ADAM10: variants seen among roughly 807,000 people sequenced by gnomAD.
ADAM10 encodes disintegrin and metalloproteinase domain-containing protein 10.
Under a neutral mutation model 90.1 loss-of-function variants are expected in ADAM10, and 17 were observed. The observed-to-expected ratio is 0.19, with a 90% CI of 0.13 to 0.28. ADAM10 has a LOEUF of 0.28. Among genes scored for constraint, ADAM10 ranks in the 10% least tolerant of loss-of-function variants. The pLI is 1.00. For missense variants in ADAM10, 610 were observed against 914.3 expected, an observed-to-expected ratio of 0.67 and a Z score of 4.29; for synonymous variants, 310 against 298.6, an observed-to-expected ratio of 1.04 and a Z score of -0.40.
intron 7 of ADAM10, among the ~76,000 whole-genome samples, chr15:58,642,926 T>C (rs1271230163): frequency 2.0e-5 from 3 of 152,194 alleles, no homozygotes; most frequent in African/African-American, 7.2e-5. Context: ...CTTCTAAATT[T>C]AAGGACTACC....
At position 58,689,655 on chromosome 15, in the gene ADAM10, A is replaced by G. The variant is rs559913731; in HGVS notation, c.207-7341T>C. Reference sequence around the variant, plus strand: ...AAAACATCATTCCAGTACTGCAGACATTGAGTGATAAAGTAATATTATGAG... The same window carrying G: ...AAAACATCATTCCAGTACTGCAGACGTTGAGTGATAAAGTAATATTATGAG... On this transcript the variant is annotated intron_variant, in intron 2 of 15. Coordinates refer to ENST00000260408, the MANE Select transcript of ADAM10 (RefSeq NM_001110.4). Among the ~76,000 whole-genome samples the G allele has an allele frequency of 8.5e-5, 13 of 152,320 alleles. No individual in the cohort carries two copies. The South Asian group carries it at 2.7e-3, about 32-fold the overall frequency.
intron 2 of ADAM10, among the ~76,000 whole-genome samples, chr15:58,701,022 C>CAAAAAAAAAAAAAAAAAAAAAA (rs386383146): frequency 1.4e-5 from 1 of 70,912 alleles, no homozygotes; most frequent in Non-Finnish European, 3.9e-5. Flanking sequence ...AACAAAAAAA[C>CAAAAAAAAAAAAAAAAAAAAAA]AAAAAAAAAA....
chr15:58,688,956 T>G (rs1194756906), intron 2 of ADAM10, among the ~76,000 whole-genome samples: 1 of 133,002 alleles, frequency 7.5e-6, no homozygotes, highest in Non-Finnish European at 1.6e-5. Context: ...AGTAAATAAA[T>G]AAAGAAGCGA....
At chr15:58,630,283 A>G (rs1163176737) in intron 9 of ADAM10, among the ~76,000 whole-genome samples, 1 of 152,202 alleles carries the variant, frequency 6.6e-6, no homozygotes, top group East Asian at 1.9e-4. Flanking sequence ...CATTTACATC[A>G]TATAACAACA....
chr15:58,692,403 TTTC>T (rs773124554), intron 2 of ADAM10: 4 of 570,870 alleles, frequency 7.0e-6, no homozygotes, highest in Non-Finnish European at 1.4e-5. Flanking sequence ...TCTTCTTTGT[TTTC>T]TTCTTATTAT....
intron 2 of ADAM10, among the ~76,000 whole-genome samples, chr15:58,712,610 G>C (rs747333009): frequency 4.0e-5 from 6 of 151,538 alleles, no homozygotes; most frequent in Non-Finnish European, 7.4e-5. Context: ...ATGAGGTCAG[G>C]AGATCAAGAC....
At chr15:58,674,548 T>C (rs983712237) in intron 4 of ADAM10, among the ~76,000 whole-genome samples, 20 of 152,252 alleles carry the variant, frequency 1.3e-4, no homozygotes, top group African/African-American at 4.8e-4. Context: ...CAAACAATGC[T>C]AGCTATTATC....
rs969053164 is a variant in ADAM10, at chr15:58,622,171, T to C, written c.1361-550A>G. On this transcript the variant is annotated intron_variant, in intron 10 of 15. Coordinates refer to ENST00000260408, the MANE Select transcript of ADAM10 (RefSeq NM_001110.4). Reference sequence around the variant, plus strand: ...TAAAACAACCCCACCTAACATATTATTGTCCCTGTAAATACTTCAGAATGT... The same window carrying C: ...TAAAACAACCCCACCTAACATATTACTGTCCCTGTAAATACTTCAGAATGT... Among the ~76,000 whole-genome samples the C allele has an allele frequency of 2.6e-5, 4 of 152,242 alleles. No homozygotes were observed. The South Asian group carries it at 6.2e-4, about 24-fold the overall frequency.
chr15:58,638,017 T>A (rs1241819926), intron 8 of ADAM10, among the ~76,000 whole-genome samples: 2 of 152,190 alleles, frequency 1.3e-5, no homozygotes, highest in African/African-American at 4.8e-5. Flanking sequence ...GGCAGTGTTA[T>A]TTCAAGGCAG....
At chr15:58,616,707 C>T (rs777095053) in intron 11 of ADAM10, among the ~76,000 whole-genome samples, 2 of 152,090 alleles carry the variant, frequency 1.3e-5, no homozygotes, top group Non-Finnish European at 2.9e-5. Flanking sequence ...CCTAACAATG[C>T]ACCTCAACGA....
At chr15:58,685,217 T>G (rs1296108282) in intron 2 of ADAM10, among the ~76,000 whole-genome samples, 1 of 148,350 alleles carries the variant, frequency 6.7e-6, no homozygotes, top group Non-Finnish European at 1.5e-5. Flanking sequence ...ATCCCAGCAT[T>G]TGGGGAGGCC....
intron 10 of ADAM10, 40 bp downstream of exon 10, chr15:58,627,660 T>C (rs1895986843): frequency 1.3e-6 from 2 of 1,574,004 alleles, no homozygotes; most frequent in Non-Finnish European, 1.7e-6. Context: ...TCTGAATGTT[T>C]GAAAATGTTC....
chr15:58,703,129 C>A (rs1334316315), intron 2 of ADAM10, among the ~76,000 whole-genome samples: 1 of 152,090 alleles, frequency 6.6e-6, no homozygotes, highest in Admixed American at 6.6e-5. Flanking sequence ...AACCCAACCA[C>A]ATACTACCTT....
intron 1 of ADAM10, among the ~76,000 whole-genome samples, chr15:58,720,193 A>T (rs1898797769): frequency 1.3e-5 from 2 of 152,326 alleles, no homozygotes; most frequent in South Asian, 4.1e-4. Context: ...ACGAGCACAA[A>T]GAGCGGCATA....
At chr15:58,730,081 G>A (rs1018818191) in intron 1 of ADAM10, among the ~76,000 whole-genome samples, 8 of 151,116 alleles carry the variant, frequency 5.3e-5, no homozygotes, top group Admixed American at 3.9e-4. Flanking sequence ...TCCCAAAATC[G>A]GAAAATTTAA....
rs915044559 is a variant in ADAM10, at chr15:58,749,678, C to T, written c.-144G>A. 6.9e-7 allele frequency: 1 copy of T among 1,454,114 alleles called. No homozygotes were observed. The highest frequency in any genetic ancestry group is 9.2e-7 in the Non-Finnish European group (1 of 1,091,038). The allele number at this position is 1,454,114 out of a possible 1,614,324, so 90.1% of individuals were successfully genotyped here. ...TGGCAGGAGAAACGGCGAAGCACCT[C>T]CCTCTCGCTCCACTTCAGGGGCCGG... On this transcript the variant is annotated 5_prime_UTR_variant, in exon 1 of 16. Coordinates refer to ENST00000260408, the MANE Select transcript of ADAM10 (RefSeq NM_001110.4).
intron 14 of ADAM10, among the ~76,000 whole-genome samples, chr15:58,607,204 G>C (rs1225173189): frequency 6.6e-6 from 1 of 152,250 alleles, no homozygotes; most frequent in East Asian, 1.9e-4. Flanking sequence ...CTCCTCATCA[G>C]AATTAACTGG....
intron 2 of ADAM10, among the ~76,000 whole-genome samples, chr15:58,716,226 T>A (rs573613011): frequency 1.3e-5 from 2 of 152,192 alleles, no homozygotes; most frequent in Non-Finnish European, 2.9e-5. Context: ...TCCATTAAAA[T>A]GTTTAAGCAC....
rs80217108 is a variant in ADAM10 at position 58,597,256 on chromosome 15, G to C, written c.*291C>G. The C allele has an allele frequency of 5.0e-5, 48 of 962,734 alleles. 2 individuals carry two copies. In the African/African-American group the frequency reaches 7.6e-4, roughly 15 times the overall value. The allele number at this position is 962,734 out of a possible 1,614,324, so 59.6% of individuals were successfully genotyped here. On this transcript the variant is annotated 3_prime_UTR_variant, in exon 16 of 16. Coordinates refer to ENST00000260408, the MANE Select transcript of ADAM10 (RefSeq NM_001110.4). ...CAAGTGAAGAAAATGCAGCAACGAA[G>C]AACAGGGAACACGGGGCACATAATA...
Sources: gnomAD v4.1 joint callset for allele counts (sites outside exome capture counted in the v4.1 genomes callset) on GRCh38, gnomAD v4.1.1 for gene constraint, MANE v1.5 for transcripts, NCBI Gene and HGNC (gene_info 2026-07-23, HGNC 2026-07-21) for gene names.